The following RAD51B variants were observed in gnomAD, a reference collection of about 807,000 sequenced individuals.
RAD51B encodes RAD51 paralog B.
RAD51B carries 38 observed loss-of-function variants against 42.2 expected under a neutral mutation model. The observed-to-expected ratio is 0.90, with a 90% CI of 0.70 to 1.18. The LOEUF (loss-of-function observed/expected upper bound fraction) is 1.18. Among genes scored for constraint, RAD51B ranks in the 50% most tolerant of loss-of-function variants. RAD51B has a pLI of 0.00. For missense variants in RAD51B, 373 were observed against 400.7 expected, an observed-to-expected ratio of 0.93 and a Z score of 0.59; for synonymous variants, 154 against 145.2, an observed-to-expected ratio of 1.06 and a Z score of -0.43.
downstream of RAD51B, among the ~76,000 whole-genome samples, chr14:68,600,734 G>T (rs1335670479): frequency 2.0e-5 from 3 of 152,116 alleles, no homozygotes; most frequent in African/African-American, 2.4e-5. Context: ...AGAACTCCAA[G>T]TGCTCAAAAA....
intron 8 of RAD51B, among the ~76,000 whole-genome samples, chr14:68,386,917 T>C (rs1424496045): frequency 1.3e-5 from 2 of 152,208 alleles, no homozygotes; most frequent in Non-Finnish European, 2.9e-5. Flanking sequence ...GGAATTGAAA[T>C]GAAACTGCAC....
At chr14:68,076,306 A>C (rs991654403) in intron 7 of RAD51B, among the ~76,000 whole-genome samples, 11 of 152,220 alleles carry the variant, frequency 7.2e-5, no homozygotes, top group African/African-American at 2.4e-4. Context: ...TAGTAATCAC[A>C]TCTCAGTAAC....
intron 10 of RAD51B, among the ~76,000 whole-genome samples, chr14:68,498,848 C>T (rs1235991563): frequency 1.3e-5 from 2 of 152,218 alleles, no homozygotes; most frequent in African/African-American, 4.8e-5. Flanking sequence ...CCCTTGCCGT[C>T]TGGTAGCTTA....
chr14:68,475,280 C>T lies in RAD51B; in HGVS notation c.1037-2368C>T, dbSNP rs192980353. Among the ~76,000 whole-genome samples, 14 of 152,232 alleles carry T rather than the reference C, an allele frequency of 9.2e-5. No homozygotes were observed. In the East Asian group the frequency reaches 2.1e-3, roughly 23 times the overall value. On this transcript the variant is annotated intron_variant, in intron 10 of 10. Transcript: ENST00000471583. Reference sequence around the variant, plus strand: ...ATCATGAGAAAAGAAAATGAATATTCGGTGACACAGCCCTTTCTGAAGAGC... The same window carrying T: ...ATCATGAGAAAAGAAAATGAATATTTGGTGACACAGCCCTTTCTGAAGAGC...
chr14:68,429,963 T>TAA (rs1350753082), intron 9 of RAD51B, among the ~76,000 whole-genome samples: 2 of 152,224 alleles, frequency 1.3e-5, no homozygotes, highest in Non-Finnish European at 2.9e-5. Flanking sequence ...GCTTTCTACA[T>TAA]ATGGCCAGCC....
intron 7 of RAD51B, among the ~76,000 whole-genome samples, chr14:68,134,319 T>A (rs1291225260): frequency 6.6e-6 from 1 of 152,340 alleles, no homozygotes; most frequent in South Asian, 2.1e-4. Context: ...GTTGTATGGA[T>A]GTACCATAGT....
intron 7 of RAD51B, among the ~76,000 whole-genome samples, chr14:68,007,288 A>C (rs968616564): frequency 6.6e-6 from 1 of 151,908 alleles, no homozygotes; most frequent in Non-Finnish European, 1.5e-5. Context: ...ACTCAGTTTT[A>C]CTTTTTGTCT....
intron 9 of RAD51B, among the ~76,000 whole-genome samples, chr14:68,458,899 G>A (rs973011907): frequency 6.6e-6 from 1 of 152,140 alleles, no homozygotes; most frequent in Non-Finnish European, 1.5e-5. Flanking sequence ...ATTATGAGAA[G>A]GCAGTTTAGA....
At chr14:68,151,615 T>C (rs776087460) in intron 7 of RAD51B, among the ~76,000 whole-genome samples, 6 of 151,170 alleles carry the variant, frequency 4.0e-5, no homozygotes, top group Admixed American at 6.6e-5. Flanking sequence ...TGGTTTTTTG[T>C]GTGTGTGTGT....
intron 7 of RAD51B, among the ~76,000 whole-genome samples, chr14:68,205,758 C>T (rs1012039143): frequency 6.6e-5 from 10 of 152,022 alleles, no homozygotes; most frequent in African/African-American, 2.2e-4. Flanking sequence ...TCTACATATG[C>T]ATATATATGT....
At chr14:67,887,657 G>C (rs559908445) in intron 7 of RAD51B, 1 of 153,524 alleles carries the variant, frequency 6.5e-6, no homozygotes, top group African/African-American at 2.4e-5. Flanking sequence ...TGTGTTCAGC[G>C]CTGTTTTGTG....
At chr14:67,834,859 C>T (rs919216064) in intron 3 of RAD51B, among the ~76,000 whole-genome samples, 2 of 152,130 alleles carry the variant, frequency 1.3e-5, no homozygotes, top group African/African-American at 4.8e-5. Context: ...TGGTTGACTT[C>T]ATAAGACTGT....
At chr14:68,089,462 C>G (rs1277897156) in intron 7 of RAD51B, among the ~76,000 whole-genome samples, 1 of 152,174 alleles carries the variant, frequency 6.6e-6, no homozygotes, top group Non-Finnish European at 1.5e-5. Context: ...ATTAGTGACC[C>G]AGCAGGGGGC....
chr14:67,912,019 C>T (rs1358186771), intron 7 of RAD51B, among the ~76,000 whole-genome samples: 1 of 152,214 alleles, frequency 6.6e-6, no homozygotes, highest in Non-Finnish European at 1.5e-5. Flanking sequence ...CACCAGCAAT[C>T]TAGGAATTTT....
At chr14:68,159,638 C>G (rs1331623607) in intron 7 of RAD51B, among the ~76,000 whole-genome samples, 1 of 150,534 alleles carries the variant, frequency 6.6e-6, no homozygotes, top group African/African-American at 2.4e-5. Context: ...AAAAAAAAGA[C>G]AAAGTATATG....
In RAD51B at chr14:68,637,839, C is replaced by T. The variant is rs1219605452; in HGVS notation, c.1037-12942C>T. Among the ~76,000 whole-genome samples the T allele has an allele frequency of 3.9e-5, 6 of 152,344 alleles. No homozygotes were observed. The East Asian group carries it at 5.8e-4, about 15-fold the overall frequency. ...ACACACAAACACACACACTTGCACA[C>T]ACAGGCAGCCTGCTGGGACCATTCA... On this transcript the variant is annotated intron_variant, in intron 10 of 11. Transcript: ENST00000488612.
intron 7 of RAD51B, among the ~76,000 whole-genome samples, chr14:67,889,603 A>G (rs1394507905): frequency 7.7e-6 from 1 of 129,666 alleles, no homozygotes; most frequent in African/African-American, 3.2e-5. Flanking sequence ...CTCTATTTGA[A>G]CTAGTACTAG....
intron 4 of RAD51B, among the ~76,000 whole-genome samples, chr14:67,839,519 C>A (rs1201059815): frequency 2.0e-5 from 3 of 151,726 alleles, no homozygotes; most frequent in African/African-American, 7.3e-5. Flanking sequence ...TGGTTTTTGT[C>A]CCCCTTTCCA....
At chr14:67,871,264 G>A (rs1361396134) in intron 5 of RAD51B, among the ~76,000 whole-genome samples, 6 of 151,982 alleles carry the variant, frequency 3.9e-5, no homozygotes, top group African/African-American at 9.7e-5. Context: ...TATCATCACC[G>A]ATCCCACAGA....
Sources: gnomAD v4.1 joint callset for allele counts (sites outside exome capture counted in the v4.1 genomes callset) on GRCh38, gnomAD v4.1.1 for gene constraint, MANE v1.5 for transcripts, NCBI Gene and HGNC (gene_info 2026-07-23, HGNC 2026-07-21) for gene names.